The following DOCK2 variants were observed in gnomAD, a reference collection of about 807,000 sequenced individuals.
DOCK2 encodes the protein dedicator of cytokinesis 2.
DOCK2 carries 87 observed loss-of-function variants against 248.9 expected under a neutral mutation model. The observed-to-expected ratio is 0.35, with a 90% CI of 0.29 to 0.42. DOCK2 has a LOEUF of 0.42. DOCK2 is among the 10% of genes least tolerant of loss of function. The pLI, the probability that DOCK2 is intolerant of heterozygous loss-of-function variation, is 1.00. For synonymous variants in DOCK2, 805 were observed against 821.6 expected, an observed-to-expected ratio of 0.98 and a Z score of 0.35; for missense variants, 1,747 against 2,300.2, an observed-to-expected ratio of 0.76 and a Z score of 4.92.
rs1761614614 is a variant in DOCK2, at chr5:169,712,019, A to G, written c.1555+12A>G. ...GTCATCTCTGGAATGTGAGTACCAT[A>G]CTGAATGGCATCTCTGCACCTCCCC... is the stretch of plus-strand genomic sequence containing the variant. On this transcript the variant is annotated intron_variant, in intron 16 of 51. Transcript: ENST00000520908. 3 of 1,614,012 alleles carry G rather than the reference A, an allele frequency of 1.9e-6. No homozygotes were observed. Among genetic ancestry groups the G allele is most frequent in the African/African-American group, 1.3e-5 (1 of 74,936 alleles).
At chr5:170,038,850 C>G (rs764509121) in intron 36 of DOCK2, among the ~76,000 whole-genome samples, 2 of 152,206 alleles carry the variant, frequency 1.3e-5, no homozygotes, top group Non-Finnish European at 2.9e-5. Context: ...CTGGGCTGCT[C>G]TCCCCAGGTT....
At chr5:170,049,637 C>T (rs1354470997) in intron 40 of DOCK2, among the ~76,000 whole-genome samples, 2 of 152,154 alleles carry the variant, frequency 1.3e-5, no homozygotes, top group African/African-American at 2.4e-5. Context: ...TGCTATGCAT[C>T]GTAGGATGCT....
At chr5:169,882,694 A>G (rs1253093310) in intron 27 of DOCK2, 1 of 1,551,946 alleles carries the variant, frequency 6.4e-7, no homozygotes, top group African/African-American at 1.4e-5. Flanking sequence ...TGCCAGGTGA[A>G]TTTGATTAAT....
chr5:170,031,499 T>C (rs1327336533), intron 34 of DOCK2, among the ~76,000 whole-genome samples: 1 of 152,250 alleles, frequency 6.6e-6, no homozygotes, highest in African/African-American at 2.4e-5. Context: ...TATTTTCTTA[T>C]GATTCCCAAA....
At chr5:169,905,012 C>T (rs60111366) in intron 27 of DOCK2, among the ~76,000 whole-genome samples, 2,794 of 152,268 alleles carry the variant, frequency 0.018, 88 homozygotes, top group African/African-American at 0.064. Context: ...CTCAGTCACT[C>T]ATATGAAAAT....
At chr5:169,977,398 C>T (rs1002775948) in intron 27 of DOCK2, among the ~76,000 whole-genome samples, 3 of 152,196 alleles carry the variant, frequency 2.0e-5, no homozygotes, top group African/African-American at 7.2e-5. Context: ...CTTCTCTGGA[C>T]TTGAGTCAGC....
Position 170,082,798 on chromosome 5 carries a change from G to A in DOCK2, c.5433G>A (p.Leu1811=), listed in dbSNP as rs1758079389. 1.2e-6 allele frequency: 2 copies of A among 1,614,158 alleles called. No individual in the cohort carries two copies. The highest frequency in any genetic ancestry group is 1.7e-6 in the Non-Finnish European group (2 of 1,180,024). ...KKVNQFFKTM[L]ASKSAEEGKQ... ...GTGCTTGTTTATTCTCTCAAAAGCT[G>A]GCCAGCAAATCGGCTGAAGAAGGCA... The change falls in exon 52 of 52, where the codon CTG becomes CTA. Residue 1811 remains leucine (L), a splice_region_variant and synonymous_variant. Coordinates refer to ENST00000520908, the MANE Select transcript of DOCK2 (RefSeq NM_004946.3).
intron 25 of DOCK2, among the ~76,000 whole-genome samples, chr5:169,792,350 A>ATC (rs1554101485): frequency 6.7e-6 from 1 of 149,366 alleles, no homozygotes; most frequent in South Asian, 2.1e-4. Context: ...TATTTATGTA[A>ATC]TGTGTGTGTG....
At chr5:169,765,931 G>A (rs1764759146) in intron 25 of DOCK2, among the ~76,000 whole-genome samples, 1 of 152,202 alleles carries the variant, frequency 6.6e-6, no homozygotes, top group South Asian at 2.1e-4. Context: ...CCCATTCACA[G>A]TGTACAAGGG....
At chr5:169,871,058 AC>A (rs1423256611) in intron 27 of DOCK2, among the ~76,000 whole-genome samples, 1 of 152,036 alleles carries the variant, frequency 6.6e-6, no homozygotes, top group Admixed American at 6.6e-5. Flanking sequence ...GGGGAGAGGG[AC>A]CTCTCTGAGT....
chr5:169,956,923 A>G (rs937027906), intron 27 of DOCK2, among the ~76,000 whole-genome samples: 2 of 152,040 alleles, frequency 1.3e-5, no homozygotes, highest in African/African-American at 2.4e-5. Flanking sequence ...CTGTCCCTGG[A>G]GGGCCTGCAG....
In DOCK2 at chr5:169,684,601, T is replaced by A. The variant is rs555269630; in HGVS notation, c.761+251T>A. ...ATAGATTTTGATTGCCAGAAAGCAG[T>A]CAGAAATAACAAGATTCAGACAAGT... On this transcript the variant is annotated intron_variant, in intron 8 of 51. Transcript: ENST00000520908. 4.6e-5 allele frequency among the ~76,000 whole-genome samples: 7 copies of A among 152,312 alleles called. No individual in the cohort carries two copies. The East Asian group carries it at 1.3e-3, about 29-fold the overall frequency.
intron 30 of DOCK2, among the ~76,000 whole-genome samples, chr5:170,001,957 C>A (rs960627209): frequency 6.6e-6 from 1 of 152,108 alleles, no homozygotes; most frequent in African/African-American, 2.4e-5. Flanking sequence ...CAACCATACC[C>A]TTTAGATACT....
intron 33 of DOCK2, among the ~76,000 whole-genome samples, chr5:170,025,326 T>C (rs1006373699): frequency 2.0e-5 from 3 of 152,250 alleles, no homozygotes; most frequent in Admixed American, 2.0e-4. Context: ...AATTTGTGTA[T>C]GTGTTGTCTA....
intron 27 of DOCK2, among the ~76,000 whole-genome samples, chr5:169,947,157 C>T (rs1776484219): frequency 6.6e-6 from 1 of 152,210 alleles, no homozygotes; most frequent in Admixed American, 6.5e-5. Flanking sequence ...CTTCCAAGGT[C>T]ACACACTTAA....
intron 27 of DOCK2, among the ~76,000 whole-genome samples, chr5:169,844,092 G>A (rs980832527): frequency 2.0e-5 from 3 of 152,210 alleles, no homozygotes; most frequent in Non-Finnish European, 4.4e-5. Flanking sequence ...TGGGGCATAT[G>A]GGAACTGTAT....
intron 22 of DOCK2, among the ~76,000 whole-genome samples, chr5:169,735,216 G>T (rs2113640235): frequency 6.6e-6 from 1 of 152,092 alleles, no homozygotes; most frequent in Middle Eastern, 3.4e-3. Flanking sequence ...AACCTAATGT[G>T]GCCTGCAAGG....
chr5:170,079,294 T>TGAGAGGTGAAGTGCTTA (rs1757944541), intron 49 of DOCK2, 148 bp downstream of exon 49: 2 of 1,148,826 alleles, frequency 1.7e-6, no homozygotes, highest in East Asian at 5.3e-5. Context: ...CCTGAGGAGC[T>TGAGAGGTGAAGTGCTTA]GAGAGGTGAA....
chr5:169,982,464 T>G (rs575794417), intron 27 of DOCK2, among the ~76,000 whole-genome samples: 2 of 152,362 alleles, frequency 1.3e-5, no homozygotes, highest in South Asian at 4.1e-4. Context: ...GGTACTTAGT[T>G]GGCTTTGCCA....
Sources: allele counts gnomAD v4.1 joint callset (sites outside exome capture counted in the v4.1 genomes callset), GRCh38; gene constraint gnomAD v4.1.1; transcripts MANE v1.5; gene names NCBI Gene and HGNC (gene_info 2026-07-23, HGNC 2026-07-21).